PHF24: variants seen among roughly 807,000 people sequenced by gnomAD.
PHF24 encodes PHD finger protein 24, also known as Galpha inhibitory interacting protein.
PHF24 carries 25 observed loss-of-function variants against 42.6 expected under a neutral mutation model. That is an observed-to-expected ratio of 0.59 (90% confidence interval 0.43 to 0.82). The LOEUF (loss-of-function observed/expected upper bound fraction) is 0.82. Among genes scored for constraint, PHF24 ranks in the 40% least tolerant of loss-of-function variants. The pLI, the probability that PHF24 is intolerant of heterozygous loss-of-function variation, is 0.00. For missense variants in PHF24, 470 were observed against 538.1 expected (o/e 0.87, Z 1.25); for synonymous variants, 185 against 204.8 (o/e 0.90, Z 0.83).
the PHF24 span, among the ~76,000 whole-genome samples, chr9:34,666,552 A>ATT: frequency 0.016 from 2,099 of 132,548 alleles, 31 homozygotes; most frequent in Non-Finnish European, 0.024. Context: ...TCTTCTTGTG[A>ATT]TTTTTTTTTT....
the PHF24 span, chr9:34,837,160 G>A: frequency 2.1e-6 from 1 of 470,640 alleles, no homozygotes; most frequent in South Asian, 1.6e-5. Context: ...ATAGTAGACA[G>A]TGGCATGGTA....
chr9:34,775,967 T>C, the PHF24 span, among the ~76,000 whole-genome samples: 1 of 152,088 alleles, frequency 6.6e-6, no homozygotes, highest in Admixed American at 6.6e-5. Flanking sequence ...CTTGAAAAGA[T>C]GCAAAGTAAA....
the PHF24 span, chr9:34,709,558 T>A: frequency 4.3e-6 from 7 of 1,614,034 alleles, no homozygotes; most frequent in African/African-American, 1.3e-5. Flanking sequence ...CCCCTGTCCT[T>A]CCTGCAGCCC....
the PHF24 span, among the ~76,000 whole-genome samples, chr9:34,701,612 C>T: frequency 2.6e-5 from 4 of 152,112 alleles, no homozygotes; most frequent in African/African-American, 9.7e-5. This position sits in a 1 kb window ranked among gnomAD's most constrained non-coding sequence, Gnocchi z 5.8. Flanking sequence ...CCTCCCGGCT[C>T]CCTGGCCCCG....
the PHF24 span, chr9:34,724,915 T>C: frequency 6.4e-7 from 1 of 1,550,818 alleles, no homozygotes; most frequent in African/African-American, 1.4e-5. Flanking sequence ...GCCGTAAAGT[T>C]GTCTCCAGTT....
chr9:34,912,372 C>T, the PHF24 span, among the ~76,000 whole-genome samples: 3 of 152,016 alleles, frequency 2.0e-5, no homozygotes, highest in African/African-American at 4.8e-5. Flanking sequence ...CAACTCTCTA[C>T]GAAAGGACTG....
the PHF24 span, among the ~76,000 whole-genome samples, chr9:34,828,770 C>T: frequency 1.3e-5 from 2 of 152,258 alleles, no homozygotes; most frequent in East Asian, 3.9e-4. Flanking sequence ...TTTCTTCCTA[C>T]CTCACTGGCT....
At chr9:34,926,617 T>C in the PHF24 span, among the ~76,000 whole-genome samples, 2 of 152,078 alleles carry the variant, frequency 1.3e-5, no homozygotes, top group African/African-American at 2.4e-5. The surrounding 1 kb of genome is among the most constrained non-coding windows in gnomAD (Gnocchi z 4.3). Context: ...AGAGGTGGCC[T>C]GTGGGGCTGT....
the PHF24 span, among the ~76,000 whole-genome samples, chr9:34,916,686 A>G: frequency 1.2e-4 from 19 of 152,250 alleles, no homozygotes; most frequent in Non-Finnish European, 2.5e-4. Context: ...ATGCCATATT[A>G]CAAGTTATAC....
upstream of PHF24, among the ~76,000 whole-genome samples, chr9:34,957,901 G>A (rs1462463642): frequency 2.0e-5 from 3 of 150,070 alleles, no homozygotes; most frequent in East Asian, 6.1e-4. Flanking sequence ...CCTCCGGGCC[G>A]CCTCCTCCGG....
upstream of PHF24, among the ~76,000 whole-genome samples, chr9:34,952,986 A>T (rs1826297981): frequency 6.6e-6 from 1 of 152,218 alleles, no homozygotes; most frequent in African/African-American, 2.4e-5. Flanking sequence ...ATAGATCATA[A>T]ACCTAAGTGT....
the PHF24 span, chr9:34,729,471 G>T: frequency 8.6e-6 from 13 of 1,519,318 alleles, no homozygotes; most frequent in Non-Finnish European, 1.1e-5. Context: ...CCTCTATCTC[G>T]GAATTCAGGG....
At chr9:34,732,272 C>G in the PHF24 span, among the ~76,000 whole-genome samples, 1 of 152,136 alleles carries the variant, frequency 6.6e-6, no homozygotes. Flanking sequence ...TTCATTGTTA[C>G]CTGTCTTTTG....
chr9:34,800,710 A>G, the PHF24 span, among the ~76,000 whole-genome samples: 1 of 152,244 alleles, frequency 6.6e-6, no homozygotes, highest in Non-Finnish European at 1.5e-5. Flanking sequence ...AAAACCATAA[A>G]AACCCTAGAA....
chr9:34,919,671 T>G, the PHF24 span, among the ~76,000 whole-genome samples: 1 of 83,442 alleles, frequency 1.2e-5, no homozygotes, highest in African/African-American at 4.0e-5. Context: ...TCTAATTATA[T>G]TTTTCTTGTA....
the PHF24 span, among the ~76,000 whole-genome samples, chr9:34,826,749 G>A: frequency 6.6e-6 from 1 of 152,148 alleles, no homozygotes; most frequent in Non-Finnish European, 1.5e-5. Flanking sequence ...ACCATGACAT[G>A]TTGTTACCTG....
At chr9:34,808,961 G>A in the PHF24 span, among the ~76,000 whole-genome samples, 26 of 148,338 alleles carry the variant, frequency 1.8e-4, no homozygotes, top group Middle Eastern at 7.0e-3. Flanking sequence ...TGGGTACAGC[G>A]CACCAGCATG....
the PHF24 span, among the ~76,000 whole-genome samples, chr9:34,712,388 C>T: frequency 6.6e-6 from 1 of 151,462 alleles, no homozygotes; most frequent in Non-Finnish European, 1.5e-5. Flanking sequence ...TTTTTAATGC[C>T]CTGTTCCCTC....
At chr9:34,833,528 GAT>G in the PHF24 span, 1 of 1,551,420 alleles carries the variant, frequency 6.4e-7, no homozygotes, top group African/African-American at 1.4e-5. Flanking sequence ...CTTCTGTGTG[GAT>G]ATGTTCTCTG....
Sources: allele counts gnomAD v4.1 joint callset (sites outside exome capture counted in the v4.1 genomes callset), GRCh38; gene constraint gnomAD v4.1.1; non-coding constraint Gnocchi (gnomAD v3.1); transcripts MANE v1.5; gene names NCBI Gene and HGNC (gene_info 2026-07-23, HGNC 2026-07-21).